PDS5B: variants seen among roughly 807,000 people sequenced by gnomAD.
The protein encoded by PDS5B is sister chromatid cohesion protein PDS5 homolog B.
PDS5B carries 51 observed loss-of-function variants against 184.1 expected under a neutral mutation model. That is an observed-to-expected ratio of 0.28 (90% CI 0.22 to 0.35). The LOEUF (loss-of-function observed/expected upper bound fraction) is 0.35, where lower values mean the gene tolerates loss of function less well. PDS5B is among the 10% of genes least tolerant of loss of function. The pLI, the probability that PDS5B is intolerant of heterozygous loss-of-function variation, is 1.00. For synonymous variants in PDS5B, 566 were observed against 569.2 expected (o/e 0.99, Z 0.08); for missense variants, 1,180 against 1,723.3 (o/e 0.68, Z 5.58).
chr13:32,753,508 G>A lies in PDS5B; in HGVS notation c.2913G>A (p.Glu971=), dbSNP rs747534047. The A allele has an allele frequency of 1.2e-5, 19 of 1,613,526 alleles. No homozygotes were observed. In the South Asian group the frequency reaches 1.9e-4, roughly 16 times the overall value. The change falls in exon 25 of 35, where the codon GAG becomes GAA. Residue 971 remains glutamate (E), a synonymous_variant. Transcript: ENST00000315596. The stretch of plus-strand genomic sequence containing the variant: ...TGAAAAATATAAATGTAAGGCGGGA[G>A]TATCTGAAGCAGCATGCAGCTGTTA... ...CLVKNINVRR[E]YLKQHAAVSE...
chr13:32,634,617 T>G (rs2058510217), intron 1 of PDS5B, among the ~76,000 whole-genome samples: 1 of 149,734 alleles, frequency 6.7e-6, no homozygotes, highest in Non-Finnish European at 1.5e-5. Context: ...AGTGTCTTAC[T>G]CTGTCACCCA....
At position 32,732,332 on chromosome 13, in the gene PDS5B, AT is replaced by A. The variant is rs1360866911; in HGVS notation, c.2247+112del. 6 of 736,658 alleles carry A rather than the reference AT, an allele frequency of 8.1e-6. No individual in the cohort carries two copies. In the Admixed American group the frequency reaches 1.8e-4, roughly 22 times the overall value. The allele number at this position is 736,658 out of a possible 1,614,324, so 45.6% of individuals were successfully genotyped here. A position where few individuals can be genotyped will look rare whatever the true frequency, so the allele number is the denominator to read the frequency against. Reference sequence around the variant, plus strand: ...TTGGTGATGCATCATTTTGTAATATATTTTCAGAATTTGAATCAGTAAAATC... The same window carrying A: ...TTGGTGATGCATCATTTTGTAATATATTTCAGAATTTGAATCAGTAAAATC... On this transcript the variant is annotated intron_variant, in intron 20 of 34. Transcript: ENST00000315596.
chr13:32,678,886 C>G lies in PDS5B; in HGVS notation c.1014C>G (p.Ser338Arg), dbSNP rs751915066. Residue 338 changes from serine to arginine, a missense_variant, in exon 10 of 35, where the codon AGC becomes AGG. Physicochemically the swap from Ser to Arg is moderately radical, Grantham distance 110. Coordinates refer to ENST00000315596, the MANE Select transcript of PDS5B (RefSeq NM_015032.4). ...PIRLECVKFA[S>R]HCLMNHPDLA... ...GCCTGGAATGTGTGAAATTTGCTAGCCATTGTCTCATGAACCATCCTGATT... is the reference window on the plus strand; with the variant it reads ...GCCTGGAATGTGTGAAATTTGCTAGGCATTGTCTCATGAACCATCCTGATT... 6.2e-7 allele frequency: 1 copy of G among 1,608,260 alleles called. No homozygotes were observed.
intron 26 of PDS5B, among the ~76,000 whole-genome samples, chr13:32,757,145 ATTAG>A (rs1750155532): frequency 6.6e-6 from 1 of 151,622 alleles, no homozygotes; most frequent in African/African-American, 2.4e-5. Context: ...AAAAAAAAAA[ATTAG>A]TTCTATCAAA....
At chr13:32,678,969 T>C in intron 10 of PDS5B, 40 bp downstream of exon 10, 1 of 1,095,964 alleles carries the variant, frequency 9.1e-7, no homozygotes, top group South Asian at 1.3e-5. Context: ...TTACGTGCTC[T>C]TCAGTGGAAA....
At chr13:32,744,801 C>G (rs927877689) in intron 23 of PDS5B, among the ~76,000 whole-genome samples, 3 of 152,138 alleles carry the variant, frequency 2.0e-5, no homozygotes, top group African/African-American at 7.2e-5. Context: ...TGGCTAGCAT[C>G]CAGTCAATAT....
At chr13:32,755,326 G>A (rs1378202088) in intron 25 of PDS5B, among the ~76,000 whole-genome samples, 1 of 152,026 alleles carries the variant, frequency 6.6e-6, no homozygotes, top group African/African-American at 2.4e-5. Context: ...TATTTAAAAT[G>A]CCCTAGAAAC....
intron 1 of PDS5B, among the ~76,000 whole-genome samples, chr13:32,587,198 C>T (rs1420370607): frequency 1.3e-5 from 2 of 151,002 alleles, no homozygotes; most frequent in African/African-American, 4.8e-5. Context: ...CGCGCGCCGC[C>T]TGGCCTCCGC....
At chr13:32,595,064 G>T (rs768924790) in intron 1 of PDS5B, among the ~76,000 whole-genome samples, 8 of 152,038 alleles carry the variant, frequency 5.3e-5, no homozygotes, top group Non-Finnish European at 1.2e-4. Flanking sequence ...CTAGTGCACT[G>T]TTGGACACAA....
chr13:32,722,328 G>C (rs1439000585), intron 19 of PDS5B, among the ~76,000 whole-genome samples: 1 of 152,270 alleles, frequency 6.6e-6, no homozygotes, highest in African/African-American at 2.4e-5. Flanking sequence ...CTCGGCAACA[G>C]AGGGAGACCG....
chr13:32,746,610 C>G (rs1953751532), intron 24 of PDS5B, among the ~76,000 whole-genome samples: 1 of 152,216 alleles, frequency 6.6e-6, no homozygotes, highest in Non-Finnish European at 1.5e-5. Flanking sequence ...CGCCAGACAG[C>G]AGTTCATCGC....
chr13:32,597,580 C>A (rs2057897159), intron 1 of PDS5B, among the ~76,000 whole-genome samples: 1 of 145,854 alleles, frequency 6.9e-6, no homozygotes, highest in African/African-American at 2.5e-5. Context: ...AATCCGAGCA[C>A]TTTGGGAGGC....
chr13:32,699,302 C>G (rs1048819349), intron 15 of PDS5B, among the ~76,000 whole-genome samples: 2 of 152,110 alleles, frequency 1.3e-5, no homozygotes, highest in Non-Finnish European at 2.9e-5. Context: ...TGTAAACTCT[C>G]TGGGTTGGTT....
chr13:32,706,821 G>A, intron 17 of PDS5B, 113 bp from the exon 18 acceptor site: 2 of 479,334 alleles, frequency 4.2e-6, no homozygotes, highest in South Asian at 9.7e-5. Context: ...TATCAAATTT[G>A]TATTTGGTTC....
chr13:32,601,611 C>T (rs1457692057), intron 1 of PDS5B, among the ~76,000 whole-genome samples: 1 of 152,214 alleles, frequency 6.6e-6, no homozygotes, highest in Non-Finnish European at 1.5e-5. Context: ...CTTTACCCCT[C>T]TTGATATTTC....
chr13:32,755,186 A>G (rs1329901594), intron 25 of PDS5B, among the ~76,000 whole-genome samples: 7 of 152,230 alleles, frequency 4.6e-5, no homozygotes, highest in African/African-American at 7.2e-5. Flanking sequence ...ATTGTCCAGA[A>G]TATGAGTCCC....
At chr13:32,757,276 G>A (rs1314770376) in intron 26 of PDS5B, among the ~76,000 whole-genome samples, 1 of 152,106 alleles carries the variant, frequency 6.6e-6, no homozygotes, top group Non-Finnish European at 1.5e-5. Context: ...GACACTTACG[G>A]TTATATTTCT....
intron 1 of PDS5B, among the ~76,000 whole-genome samples, chr13:32,642,216 C>T (rs1454364107): frequency 6.6e-6 from 1 of 152,138 alleles, no homozygotes; most frequent in Non-Finnish European, 1.5e-5. Flanking sequence ...TTTGCTGTAA[C>T]CATAATTTCT....
At chr13:32,744,117 C>G (rs1953662628) in intron 23 of PDS5B, among the ~76,000 whole-genome samples, 1 of 152,154 alleles carries the variant, frequency 6.6e-6, no homozygotes, top group South Asian at 2.1e-4. Context: ...AACTGAGGTT[C>G]TACCATTTAT....
Sources: gnomAD v4.1 joint callset for allele counts (sites outside exome capture counted in the v4.1 genomes callset) on GRCh38, gnomAD v4.1.1 for gene constraint, MANE v1.5 for transcripts, NCBI Gene and HGNC (gene_info 2026-07-23, HGNC 2026-07-21) for gene names.